Variants in STOX2 observed in about 807,000 individuals in gnomAD.
STOX2 encodes storkhead-box protein 2.
STOX2 carries 28 observed loss-of-function variants against 60.9 expected under a neutral mutation model. That is an observed-to-expected ratio of 0.46 (90% CI 0.34 to 0.63). The LOEUF is 0.63. Among genes scored for constraint, STOX2 ranks in the 30% least tolerant of loss-of-function variants. The pLI, the probability that STOX2 is intolerant of heterozygous loss-of-function variation, is 0.01. For missense variants in STOX2, 1,024 were observed against 1,187.7 expected (o/e 0.86, Z 2.03); for synonymous variants, 472 against 463.9 (o/e 1.02, Z -0.22).
At position 183,879,471 on chromosome 4, in the gene STOX2, G is replaced by C. The variant is rs564636558; in HGVS notation, c.364+81416G>C. Among the ~76,000 whole-genome samples the C allele has an allele frequency of 7.9e-4, 120 of 152,346 alleles. 3 individuals carry two copies. In the South Asian group the frequency reaches 0.024, roughly 30 times the overall value. On this transcript the variant is annotated intron_variant, in intron 1 of 2. Transcript: ENST00000513034. ...GTGCATCGCACGAGTTCACAATGCG[G>C]CTGGGCGCTGGGATACAGTGAGTGA...
chr4:183,908,973 C>T (rs1471423051), intron 1 of STOX2, among the ~76,000 whole-genome samples: 2 of 152,250 alleles, frequency 1.3e-5, no homozygotes, highest in Middle Eastern at 3.4e-3. Flanking sequence ...GGATATAATA[C>T]GGTTCTTGCC....
chr4:183,879,237 C>T (rs1740899662), intron 1 of STOX2, among the ~76,000 whole-genome samples: 1 of 152,182 alleles, frequency 6.6e-6, no homozygotes, highest in South Asian at 2.1e-4. Flanking sequence ...TCACTGCCAC[C>T]CTCTCTCTCA....
chr4:183,893,152 GC>G (rs1369563744), intron 1 of STOX2, among the ~76,000 whole-genome samples: 1 of 148,714 alleles, frequency 6.7e-6, no homozygotes, highest in Non-Finnish European at 1.5e-5. Flanking sequence ...TTAATTTATT[GC>G]CTTCTGGTTC....
chr4:183,822,646 C>T (rs748308329), intron 1 of STOX2, among the ~76,000 whole-genome samples: 19 of 152,186 alleles, frequency 1.2e-4, no homozygotes, highest in Non-Finnish European at 2.4e-4. Flanking sequence ...AGGCGCAGCT[C>T]AGGTGGCCAT....
rs1456308916 is a variant in STOX2, at chr4:183,881,084, GTA to G, written c.364+83030_364+83031del. ...CCTTTCTGCCTTCAATGAGACTGAA[GTA>G]AATTGCCTTTTCTGAATTCCCCAAG... On this transcript the variant is annotated intron_variant, in intron 1 of 2. Transcript: ENST00000513034. 6.6e-3 allele frequency among the ~76,000 whole-genome samples: 1,003 copies of G among 152,292 alleles called. 10 individuals are homozygous for G. The highest frequency in any genetic ancestry group is 0.021 in the African/African-American group (868 of 41,546).
rs1732405915 is a variant in STOX2, at chr4:183,975,277, A to C, written c.167-26048A>C. The stretch of plus-strand genomic sequence containing the variant: ...GAGCAATCTAAGCTTCTACCTAAAG[A>C]AACTAGAAAAAGAAGAGCAAAACAA... On this transcript the variant is annotated intron_variant, in intron 1 of 3. Transcript: ENST00000308497. 2.0e-5 allele frequency among the ~76,000 whole-genome samples: 3 copies of C among 152,132 alleles called. No individual in the cohort carries two copies. In the South Asian group the frequency reaches 6.2e-4, roughly 31 times the overall value.
At chr4:183,870,061 G>A (rs1452302323) in intron 1 of STOX2, among the ~76,000 whole-genome samples, 6 of 152,150 alleles carry the variant, frequency 3.9e-5, no homozygotes, top group Non-Finnish European at 7.3e-5. Context: ...CAAAAAAATC[G>A]TTGTAAGTAG....
chr4:183,798,453 G>C (rs1738682985), intron 1 of STOX2, among the ~76,000 whole-genome samples: 1 of 151,934 alleles, frequency 6.6e-6, no homozygotes, highest in Non-Finnish European at 1.5e-5. Flanking sequence ...GGTGGGCGGG[G>C]AGGATTCCGG....
intron 1 of STOX2, among the ~76,000 whole-genome samples, chr4:183,971,241 C>G (rs1743733255): frequency 6.6e-6 from 1 of 152,190 alleles, no homozygotes; most frequent in African/African-American, 2.4e-5. Context: ...TCAGGCCATA[C>G]CTGTTTCTCT....
At chr4:183,898,952 T>C (rs1467958027) in intron 1 of STOX2, among the ~76,000 whole-genome samples, 2 of 152,192 alleles carry the variant, frequency 1.3e-5, no homozygotes. Context: ...GTCAACGCTG[T>C]GGTGAGTAAG....
intron 1 of STOX2, among the ~76,000 whole-genome samples, chr4:183,974,374 T>C (rs1349127103): frequency 1.3e-5 from 2 of 152,120 alleles, no homozygotes; most frequent in African/African-American, 2.4e-5. Context: ...AATTTCAACG[T>C]ATAACTAATT....
intron 1 of STOX2, among the ~76,000 whole-genome samples, chr4:183,873,339 G>T (rs540430836): frequency 2.0e-5 from 3 of 151,996 alleles, no homozygotes; most frequent in African/African-American, 7.3e-5. Flanking sequence ...CCAGCTACTC[G>T]GGAGGCTGAG....
chr4:183,845,407 T>C (rs1739963250), intron 1 of STOX2, among the ~76,000 whole-genome samples: 1 of 152,174 alleles, frequency 6.6e-6, no homozygotes, highest in South Asian at 2.1e-4. Flanking sequence ...AGATAGAATA[T>C]ATCACATGGA....
chr4:183,988,083 G>A (rs1474064992), intron 1 of STOX2, among the ~76,000 whole-genome samples: 1 of 142,530 alleles, frequency 7.0e-6, no homozygotes, highest in Non-Finnish European at 1.6e-5. Context: ...AGGAGAGTGT[G>A]CCCCTCGCCA....
rs570999411 is a variant in STOX2 at position 183,837,128 on chromosome 4, A to C, written c.364+39073A>C. 2.7e-4 allele frequency among the ~76,000 whole-genome samples: 41 copies of C among 152,040 alleles called. No individual in the cohort carries two copies. In the South Asian group the frequency reaches 5.9e-3, roughly 22 times the overall value. ...GACTTCTGGGAGCAGAAATGGGGGA[A>C]TCCTTGGAGCTTTCTCGGGGAGTGG... On this transcript the variant is annotated intron_variant, in intron 1 of 2. Coordinates refer to the STOX2 transcript ENST00000513034.
intron 1 of STOX2, 53 bp downstream of exon 1, chr4:183,907,009 G>C (rs1274771520): frequency 2.1e-6 from 3 of 1,426,454 alleles, no homozygotes; most frequent in Non-Finnish European, 2.8e-6. Flanking sequence ...GGACGTGCTC[G>C]GTACGCCGCG....
chr4:183,880,108 A>G (rs1443339613), intron 1 of STOX2, among the ~76,000 whole-genome samples: 1 of 152,084 alleles, frequency 6.6e-6, no homozygotes, highest in African/African-American at 2.4e-5. Flanking sequence ...CTTCCCAAGT[A>G]GCTGGGACTA....
chr4:183,944,077 T>C (rs1579447982), intron 1 of STOX2, among the ~76,000 whole-genome samples: 2 of 152,204 alleles, frequency 1.3e-5, no homozygotes, highest in South Asian at 4.1e-4. Context: ...GTTGCATAAA[T>C]GTTCTGAGTG....
chr4:183,866,383 G>A (rs748435489), intron 1 of STOX2, among the ~76,000 whole-genome samples: 5 of 152,134 alleles, frequency 3.3e-5, no homozygotes, highest in Non-Finnish European at 7.4e-5. Flanking sequence ...GTTCTCCATG[G>A]AGAACCTGTT....
Sources: allele counts gnomAD v4.1 joint callset (sites outside exome capture counted in the v4.1 genomes callset), GRCh38; gene constraint gnomAD v4.1.1; transcripts MANE v1.5; gene names NCBI Gene and HGNC (gene_info 2026-07-23, HGNC 2026-07-21).